AGO3: variants seen among roughly 807,000 people sequenced by gnomAD.
AGO3 encodes the protein protein argonaute-3.
Under a neutral mutation model 105.5 loss-of-function variants are expected in AGO3, and 16 were observed. The ratio of observed to expected loss-of-function variants is 0.15; its 90% CI spans 0.10 to 0.23. The LOEUF (loss-of-function observed/expected upper bound fraction) is 0.23. Ranked by LOEUF, AGO3 falls within the 10% of genes least tolerant of loss-of-function variation. The pLI is 1.00. For synonymous variants in AGO3, 340 were observed against 367.3 expected (o/e 0.93, Z 0.85); for missense variants, 534 against 1,088.0 (o/e 0.49, Z 7.16).
At chr1:36,019,809 C>T (rs1255953831) in intron 11 of AGO3, among the ~76,000 whole-genome samples, 1 of 151,810 alleles carries the variant, frequency 6.6e-6, no homozygotes, top group Non-Finnish European at 1.5e-5. Flanking sequence ...CACTCTGTCA[C>T]CCAGGCTAGA....
intron 11 of AGO3, among the ~76,000 whole-genome samples, chr1:36,018,713 G>A (rs753992183): frequency 9.2e-5 from 14 of 152,286 alleles, no homozygotes; most frequent in Non-Finnish European, 7.4e-5. Flanking sequence ...TTACAGGCAT[G>A]AGCCACCACA....
At chr1:35,986,344 A>G (rs979542557) in intron 5 of AGO3, among the ~76,000 whole-genome samples, 6 of 152,252 alleles carry the variant, frequency 3.9e-5, no homozygotes, top group Non-Finnish European at 5.9e-5. Context: ...GGTGTACTAC[A>G]TAACAGTTAA....
intron 5 of AGO3, 62 bp from the exon 6 acceptor site, chr1:36,004,279 G>C: frequency 6.6e-7 from 1 of 1,512,658 alleles, no homozygotes; most frequent in Non-Finnish European, 9.0e-7. Context: ...TGGAGCCTAA[G>C]ATGAAGTTTC....
chr1:35,964,518 G>A (rs76273497), intron 2 of AGO3, among the ~76,000 whole-genome samples: 9 of 152,120 alleles, frequency 5.9e-5, no homozygotes, highest in African/African-American at 9.7e-5. Context: ...TCTTTATCCA[G>A]TGTACCATTG....
At chr1:35,971,886 AC>A in intron 3 of AGO3, 137 bp from the exon 4 acceptor site, 1 of 783,914 alleles carries the variant, frequency 1.3e-6, no homozygotes, top group Non-Finnish European at 2.0e-6. Flanking sequence ...AATTTTATCT[AC>A]AAAAAAAAAT....
chr1:36,012,322 CAAAA>C (rs11391066), intron 9 of AGO3, among the ~76,000 whole-genome samples: 1 of 90,744 alleles, frequency 1.1e-5, no homozygotes, highest in African/African-American at 3.9e-5. Flanking sequence ...GACCCTGTCT[CAAAA>C]AAAAAAAAAA....
At chr1:35,965,995 T>G (rs1418386763) in intron 2 of AGO3, among the ~76,000 whole-genome samples, 2 of 152,038 alleles carry the variant, frequency 1.3e-5, no homozygotes, top group Non-Finnish European at 2.9e-5. Context: ...CCGGCTAATT[T>G]TGAATTTTTA....
At chr1:35,998,786 A>C (rs1639956417) in intron 5 of AGO3, among the ~76,000 whole-genome samples, 1 of 151,874 alleles carries the variant, frequency 6.6e-6, no homozygotes, top group South Asian at 2.1e-4. Context: ...TTATTTCTTT[A>C]TTTATGGTGT....
At chr1:35,940,591 A>G (rs991014185) in intron 1 of AGO3, among the ~76,000 whole-genome samples, 14 of 152,096 alleles carry the variant, frequency 9.2e-5, no homozygotes, top group African/African-American at 3.4e-4. Flanking sequence ...CTGCTAGTGG[A>G]TCCAAGGGCT....
intron 1 of AGO3, among the ~76,000 whole-genome samples, chr1:35,938,506 G>A (rs1646194204): frequency 6.6e-6 from 1 of 152,006 alleles, no homozygotes; most frequent in Non-Finnish European, 1.5e-5. Context: ...ACTTAGTAAT[G>A]TGTCGTAAGT....
intron 17 of AGO3, among the ~76,000 whole-genome samples, chr1:36,053,213 A>G (rs1299159136): frequency 6.6e-6 from 1 of 151,874 alleles, no homozygotes; most frequent in Non-Finnish European, 1.5e-5. Flanking sequence ...TTTCTCCGAT[A>G]TATTTAATCA....
At chr1:36,029,126 C>T (rs1641648143) in intron 12 of AGO3, among the ~76,000 whole-genome samples, 1 of 152,108 alleles carries the variant, frequency 6.6e-6, no homozygotes, top group South Asian at 2.1e-4. Context: ...TAAGGATTAA[C>T]TGAGTCTAAT....
intron 2 of AGO3, among the ~76,000 whole-genome samples, chr1:35,964,744 C>A (rs1646742022): frequency 6.6e-6 from 1 of 152,188 alleles, no homozygotes; most frequent in African/African-American, 2.4e-5. Flanking sequence ...CTCTCACCAA[C>A]AGTGTATAAA....
intron 11 of AGO3, among the ~76,000 whole-genome samples, chr1:36,017,874 G>A (rs1426024071): frequency 1.3e-5 from 2 of 151,614 alleles, no homozygotes; most frequent in Admixed American, 1.3e-4. Flanking sequence ...CTGCATCCCA[G>A]CCTGGGCAGC....
chr1:36,037,290 C>G (rs963085017), intron 14 of AGO3, among the ~76,000 whole-genome samples: 3 of 152,010 alleles, frequency 2.0e-5, no homozygotes, highest in African/African-American at 7.2e-5. Context: ...GAGGCTGAGG[C>G]GGGGGTGGAT....
At chr1:35,989,402 A>G (rs1234984387) in intron 5 of AGO3, among the ~76,000 whole-genome samples, 1 of 152,208 alleles carries the variant, frequency 6.6e-6, no homozygotes, top group Non-Finnish European at 1.5e-5. Flanking sequence ...ATATCTTACA[A>G]TTGATGGTTT....
chr1:35,944,502 TA>T (rs1646322023), intron 1 of AGO3, among the ~76,000 whole-genome samples: 1 of 151,864 alleles, frequency 6.6e-6, no homozygotes, highest in African/African-American at 2.4e-5. Context: ...TCCTCCTTTT[TA>T]AAAGAAATCA....
intron 3 of AGO3, among the ~76,000 whole-genome samples, chr1:35,970,501 A>T (rs746151731): frequency 6.6e-6 from 1 of 152,182 alleles, no homozygotes; most frequent in East Asian, 1.9e-4. Context: ...AAACAAACCT[A>T]CTAATGATTC....
At chr1:35,988,016 C>T (rs573204720) in intron 5 of AGO3, among the ~76,000 whole-genome samples, 2 of 151,664 alleles carry the variant, frequency 1.3e-5, no homozygotes, top group South Asian at 2.1e-4. Context: ...TGCAGTGAGC[C>T]GAGATCTTGC....
Sources: allele counts gnomAD v4.1 joint callset (sites outside exome capture counted in the v4.1 genomes callset), GRCh38; gene constraint gnomAD v4.1.1; transcripts MANE v1.5; gene names NCBI Gene and HGNC (gene_info 2026-07-23, HGNC 2026-07-21).